The following PEDS1 variants were observed in gnomAD, a reference collection of about 807,000 sequenced individuals.
PEDS1 encodes CarF homolog.
Under a neutral mutation model 35.2 loss-of-function variants are expected in PEDS1, and 14 were observed. That is an observed-to-expected ratio of 0.40 (90% CI 0.26 to 0.62). The LOEUF (loss-of-function observed/expected upper bound fraction) is 0.62. PEDS1 is among the 20% of genes least tolerant of loss of function. PEDS1 has a pLI of 0.44. For missense variants in PEDS1, 260 were observed against 367.8 expected, an observed-to-expected ratio of 0.71 and a Z score of 2.40; for synonymous variants, 152 against 152.0, an observed-to-expected ratio of 1.00 and a Z score of 0.00.
rs143890647 is a variant in PEDS1 at position 50,144,800 on chromosome 20, C to G, written c.122-1179G>C. Among the ~76,000 whole-genome samples the G allele has an allele frequency of 8.0e-3, 1,213 of 152,040 alleles. 5 individuals are homozygous for G. The highest frequency in any genetic ancestry group is 0.014 in the Middle Eastern group (4 of 294). On this transcript the variant is annotated intron_variant, in intron 1 of 5. Coordinates refer to ENST00000371652, the MANE Select transcript of PEDS1 (RefSeq NM_199129.4). ...CAAAAAGCAAAGTGCCAAATAGCAG[C>G]CATTTATGTTAAAAAAAAATCTATA...
chr20:50,134,391 C>T (rs76173145), intron 2 of PEDS1, among the ~76,000 whole-genome samples: 1,715 of 152,238 alleles, frequency 0.011, 32 homozygotes, highest in African/African-American at 0.039. Context: ...ACAAAAAACA[C>T]AAAAAATTAG....
intron 5 of PEDS1, among the ~76,000 whole-genome samples, chr20:50,125,812 C>T (rs1456967802): frequency 1.3e-5 from 2 of 152,216 alleles, no homozygotes; most frequent in East Asian, 1.9e-4. Flanking sequence ...AGGATGGTCT[C>T]GATCTCTTGA....
chr20:50,136,091 C>CT (rs1055084325), intron 2 of PEDS1, among the ~76,000 whole-genome samples: 34 of 151,468 alleles, frequency 2.2e-4, no homozygotes, highest in South Asian at 8.4e-4. Flanking sequence ...ATGTCAACTA[C>CT]TTTTTTTAAA....
Position 50,129,557 on chromosome 20 carries a change from G to C in PEDS1, c.467C>G (p.Thr156Ser). 3.1e-6 allele frequency: 5 copies of C among 1,614,186 alleles called. No homozygotes were observed. Among genetic ancestry groups the C allele is most frequent in the Non-Finnish European group, 4.2e-6 (5 of 1,180,022 alleles). The change falls in exon 4 of 6, where the codon ACC becomes AGC. Residue 156 changes from threonine to serine, a missense_variant. Thr to Ser is a moderately conservative substitution (Grantham distance 58, BLOSUM62 1). Coordinates refer to ENST00000371652, the MANE Select transcript of PEDS1 (RefSeq NM_199129.4). The surrounding 1 kb of genome is among the most constrained non-coding windows in gnomAD (Gnocchi z 4.2). ...PLLNMAYKFR[T>S]HSPEALEQLY... Reference sequence around the variant, plus strand: ...GCTGGGTGTCTCACCAGGGCTGTGGGTGCGGAACTTGTAGGCCATGTTTAG... The same window carrying C: ...GCTGGGTGTCTCACCAGGGCTGTGGCTGCGGAACTTGTAGGCCATGTTTAG...
intron 2 of PEDS1, 197 bp from the exon 3 acceptor site, chr20:50,131,144 G>A (rs191608532): frequency 6.0e-5 from 82 of 1,361,314 alleles, no homozygotes; most frequent in Admixed American, 2.4e-4. Context: ...TGTGCTCGGG[G>A]AGATGCCAAG....
chr20:50,151,771 A>C (rs2081406697), intron 1 of PEDS1, among the ~76,000 whole-genome samples: 1 of 152,192 alleles, frequency 6.6e-6, no homozygotes, highest in Admixed American at 6.5e-5. Context: ...AGGCAGGAGA[A>C]TGGCGTGAAC....
intron 5 of PEDS1, among the ~76,000 whole-genome samples, chr20:50,127,537 G>T (rs1345556212): frequency 4.6e-5 from 7 of 151,980 alleles, no homozygotes; most frequent in Non-Finnish European, 8.8e-5. Context: ...GTAGAGATGG[G>T]GTTTCACCAT....
Position 50,128,270 on chromosome 20 carries a change from C to T in PEDS1, c.479-83G>A, listed in dbSNP as rs2081133822. 1 of 1,529,684 alleles carries T rather than the reference C, an allele frequency of 6.5e-7. No homozygotes were observed. The highest frequency in any genetic ancestry group is 1.8e-5 in the Admixed American group (1 of 54,392). The allele number at this position is 1,529,684 out of a possible 1,614,324, so 94.8% of individuals were successfully genotyped here. ...CCCAAATGGCCCTCACCACCTGCTCCTGGGCGGCTCCTGAGCTGGGCAAGC... is the reference window on the plus strand; with the variant it reads ...CCCAAATGGCCCTCACCACCTGCTCTTGGGCGGCTCCTGAGCTGGGCAAGC... On this transcript the variant is annotated intron_variant, in intron 4 of 5. Coordinates refer to ENST00000371652, the MANE Select transcript of PEDS1 (RefSeq NM_199129.4). This position sits in a 1 kb window ranked among gnomAD's most constrained non-coding sequence, Gnocchi z 5.2.
chr20:50,125,089 T>C lies in PEDS1; in HGVS notation c.782A>G (p.Asp261Gly). Residue 261 changes from aspartate to glycine, a missense_variant, in exon 6 of 6, where the codon GAT (aspartate) becomes GGT (glycine). Physicochemically the swap from Asp to Gly is moderately conservative, Grantham distance 94 (BLOSUM62 -1). Transcript: ENST00000371652. ...GATCTTCTGGGCCCATTTCATGTCA[T>C]CTGCCCGAGGCTTCTCGCCCGTCAG... Reference protein sequence around the residue: ...QGLTGEKPRADDMKWAQKIK With the variant: ...QGLTGEKPRAGDMKWAQKIK 6.2e-7 allele frequency: 1 copy of C among 1,614,150 alleles called. No individual in the cohort carries two copies. The highest frequency in any genetic ancestry group is 8.5e-7 in the Non-Finnish European group (1 of 1,179,986).
chr20:50,142,985 G>A (rs1246199545), intron 2 of PEDS1, among the ~76,000 whole-genome samples: 1 of 152,154 alleles, frequency 6.6e-6, no homozygotes, highest in East Asian at 1.9e-4. Context: ...AGCTGGGGCA[G>A]GTACACTGAG....
intron 1 of PEDS1, among the ~76,000 whole-genome samples, chr20:50,143,902 T>C (rs1283986209): frequency 1.3e-5 from 2 of 152,270 alleles, no homozygotes; most frequent in East Asian, 1.9e-4. Flanking sequence ...TTTCACCATA[T>C]TGGCCAGGCT....
intron 2 of PEDS1, among the ~76,000 whole-genome samples, chr20:50,141,072 C>T (rs962843689): frequency 2.6e-5 from 4 of 152,200 alleles, no homozygotes; most frequent in Admixed American, 2.0e-4. Flanking sequence ...TCCCAGCCTG[C>T]ACAGCACACA....
At chr20:50,149,500 A>T (rs1486955802) in intron 1 of PEDS1, among the ~76,000 whole-genome samples, 1 of 152,114 alleles carries the variant, frequency 6.6e-6, no homozygotes, top group African/African-American at 2.4e-5. Context: ...ACAAACCCTG[A>T]CATCTGGCAT....
chr20:50,140,279 C>T (rs143622290), intron 2 of PEDS1, among the ~76,000 whole-genome samples: 99 of 152,360 alleles, frequency 6.5e-4, no homozygotes, highest in African/African-American at 2.2e-3. Context: ...CTTCACGTGG[C>T]TGGACCATGG....
chr20:50,151,372 A>C, intron 1 of PEDS1: 1 of 1,117,464 alleles, frequency 8.9e-7, no homozygotes, highest in Non-Finnish European at 1.2e-6. Flanking sequence ...GTGGGGAAAC[A>C]GCAATCCCTG....
At chr20:50,147,572 C>T (rs2081358559) in intron 1 of PEDS1, among the ~76,000 whole-genome samples, 1 of 152,184 alleles carries the variant, frequency 6.6e-6, no homozygotes, top group Non-Finnish European at 1.5e-5. Context: ...ATCCCAGACA[C>T]ATCAATGAGA....
chr20:50,149,193 G>A (rs546260898), intron 1 of PEDS1, among the ~76,000 whole-genome samples: 3 of 152,138 alleles, frequency 2.0e-5, no homozygotes, highest in Non-Finnish European at 2.9e-5. Context: ...AAGCCCATCT[G>A]GGGGACTGAA....
rs1406737183 is a variant in PEDS1, at chr20:50,153,598, G to C, written c.40C>G (p.Leu14Val). The C allele has an allele frequency of 1.4e-6, 2 of 1,409,442 alleles. 1 individual carries two copies. Among genetic ancestry groups the C allele is most frequent in the African/African-American group, 2.9e-5 (2 of 67,890 alleles). 87.3% of individuals were successfully genotyped at this position (1,409,442 alleles called of 1,614,324 possible). A position where few individuals can be genotyped will look rare whatever the true frequency, so the allele number is the denominator to read the frequency against. Reference protein sequence around the residue: ...AENWPGQQLELDEDEASCCRW... With the variant: ...AENWPGQQLEVDEDEASCCRW... ...CAACAAGACGCCTCGTCCTCGTCCA[G>C]CTCCAGCTGCTGGCCCGGCCAGTTC... The change falls in exon 1 of 6, where the codon CTG (leucine) becomes GTG (valine). Residue 14 changes from leucine to valine, a missense_variant. Leu to Val is a conservative substitution (Grantham distance 32). This residue lies in a region of PEDS1 where 114 missense variants were observed against 121.6 expected (regional missense o/e 0.94). Transcript: ENST00000371652.
chr20:50,148,212 A>G (rs1256167417), intron 1 of PEDS1, among the ~76,000 whole-genome samples: 1 of 152,250 alleles, frequency 6.6e-6, no homozygotes, highest in African/African-American at 2.4e-5. Context: ...CCTCTGTCCC[A>G]TCCTTCAGAG....
Sources: gnomAD v4.1 joint callset for allele counts (sites outside exome capture counted in the v4.1 genomes callset) on GRCh38, gnomAD v4.1.1 for gene constraint, gnomAD v4.1.1 regional missense constraint, Gnocchi (gnomAD v3.1) non-coding constraint, MANE v1.5 for transcripts, NCBI Gene and HGNC (gene_info 2026-07-23, HGNC 2026-07-21) for gene names.